PPP2R2B: variants seen among roughly 807,000 people sequenced by gnomAD.
PPP2R2B encodes the protein protein phosphatase 2 regulatory subunit Bbeta.
In PPP2R2B, 5 loss-of-function variants were observed where a neutral mutation model predicts 46.0. The ratio of observed to expected loss-of-function variants is 0.11; its 90% CI spans 0.06 to 0.23. The LOEUF (loss-of-function observed/expected upper bound fraction) is 0.23. PPP2R2B is among the 10% of genes least tolerant of loss of function. PPP2R2B has a pLI of 1.00. For synonymous variants in PPP2R2B, 215 were observed against 206.7 expected (o/e 1.04, Z -0.34); for missense variants, 367 against 575.0 (o/e 0.64, Z 3.70).
intron 3 of PPP2R2B, among the ~76,000 whole-genome samples, chr5:146,699,649 C>G (rs73320028): frequency 2.1e-5 from 3 of 140,818 alleles, no homozygotes; most frequent in Non-Finnish European, 4.5e-5. Flanking sequence ...ATCATCACTG[C>G]GAACTTAATT....
chr5:146,818,635 A>T (rs1359364553), intron 2 of PPP2R2B, among the ~76,000 whole-genome samples: 1 of 152,220 alleles, frequency 6.6e-6, no homozygotes, highest in Non-Finnish European at 1.5e-5. Flanking sequence ...TAATTTTCTC[A>T]GTGACCCATG....
intron 2 of PPP2R2B, among the ~76,000 whole-genome samples, chr5:146,873,191 T>A (rs543859216): frequency 6.6e-6 from 1 of 152,342 alleles, no homozygotes; most frequent in African/African-American, 2.4e-5. Context: ...ACCTTCTCCA[T>A]CTGCACCCAA....
intron 1 of PPP2R2B, among the ~76,000 whole-genome samples, chr5:146,971,769 G>A (rs1259861475): frequency 6.6e-6 from 1 of 152,002 alleles, no homozygotes; most frequent in Non-Finnish European, 1.5e-5. Context: ...TTTTATGTTT[G>A]TGGTACCTAT....
chr5:146,842,057 T>A (rs1264410705), intron 2 of PPP2R2B, among the ~76,000 whole-genome samples: 2 of 152,142 alleles, frequency 1.3e-5, no homozygotes, highest in Admixed American at 6.5e-5. Context: ...CCTAGCCACA[T>A]CACTGTGAAG....
intron 1 of PPP2R2B, among the ~76,000 whole-genome samples, chr5:147,006,694 G>A (rs1754455409): frequency 6.6e-6 from 1 of 152,044 alleles, no homozygotes; most frequent in Non-Finnish European, 1.5e-5. Flanking sequence ...AGACTCTTTG[G>A]CAGCAGTGAT....
At chr5:146,987,119 A>G (rs1343537255) in intron 1 of PPP2R2B, among the ~76,000 whole-genome samples, 4 of 152,054 alleles carry the variant, frequency 2.6e-5, no homozygotes, top group Non-Finnish European at 5.9e-5. Flanking sequence ...AAAATGATTT[A>G]GAAAAGCCCA....
upstream of PPP2R2B, among the ~76,000 whole-genome samples, chr5:146,881,731 GACTA>G (rs1319434579): frequency 6.6e-6 from 1 of 152,072 alleles, no homozygotes; most frequent in Non-Finnish European, 1.5e-5. Flanking sequence ...CTTTTCTATT[GACTA>G]ACTGTCACTT....
At chr5:147,046,269 A>G (rs547288015) in intron 1 of PPP2R2B, among the ~76,000 whole-genome samples, 1 of 152,340 alleles carries the variant, frequency 6.6e-6, no homozygotes, top group East Asian at 1.9e-4. Flanking sequence ...TTTCCCAAAA[A>G]GTGACATTCT....
chr5:146,930,422 T>C (rs1006322628), intron 1 of PPP2R2B, among the ~76,000 whole-genome samples: 1 of 152,156 alleles, frequency 6.6e-6, no homozygotes, highest in Non-Finnish European at 1.5e-5. Flanking sequence ...GGGTCTTTAT[T>C]TGTGGGATGA....
intron 3 of PPP2R2B, among the ~76,000 whole-genome samples, chr5:146,698,517 A>G (rs1019524706): frequency 2.1e-4 from 32 of 151,702 alleles, no homozygotes; most frequent in African/African-American, 7.5e-4. Context: ...CTTTGGAGTG[A>G]GTCATCCCAC....
At chr5:147,026,718 C>G (rs1755544004) in intron 1 of PPP2R2B, among the ~76,000 whole-genome samples, 1 of 151,950 alleles carries the variant, frequency 6.6e-6, no homozygotes, top group African/African-American at 2.4e-5. Flanking sequence ...TATCTTTAGC[C>G]ACCAGGGAAA....
chr5:146,752,300 G>C (rs931703579), intron 2 of PPP2R2B, among the ~76,000 whole-genome samples: 2 of 151,922 alleles, frequency 1.3e-5, no homozygotes, highest in Non-Finnish European at 2.9e-5. Flanking sequence ...CATTTATTGA[G>C]ATGAAAAAAA....
intron 1 of PPP2R2B, among the ~76,000 whole-genome samples, chr5:147,041,701 G>C (rs545703337): frequency 2.2e-4 from 34 of 152,022 alleles, no homozygotes; most frequent in Non-Finnish European, 2.9e-5. Flanking sequence ...AGCTTTAGGG[G>C]GGCTGTAAGT....
At chr5:147,038,460 G>T (rs920787385) in intron 1 of PPP2R2B, among the ~76,000 whole-genome samples, 2 of 152,074 alleles carry the variant, frequency 1.3e-5, no homozygotes, top group Non-Finnish European at 2.9e-5. Flanking sequence ...AAATTACATT[G>T]ATAATTTTTC....
Position 146,828,961 on chromosome 5 carries a change from G to C in PPP2R2B, c.70+49041C>G, listed in dbSNP as rs555462415. Among the ~76,000 whole-genome samples the C allele has an allele frequency of 5.9e-5, 9 of 152,212 alleles. 1 individual carries two copies. Among genetic ancestry groups the C allele is most frequent in the African/African-American group, 2.2e-4 (9 of 41,536 alleles). On this transcript the variant is annotated intron_variant, in intron 2 of 9. Coordinates refer to ENST00000394411, the MANE Select transcript of PPP2R2B (RefSeq NM_181675.4). ...TCAAGGAAAAATAAACTTTGATACAGGACAGCCTTCCGAATCAGGAATATT... is the reference window on the plus strand; with the variant it reads ...TCAAGGAAAAATAAACTTTGATACACGACAGCCTTCCGAATCAGGAATATT...
At chr5:147,017,029 A>G (rs76599395) in intron 1 of PPP2R2B, among the ~76,000 whole-genome samples, 3 of 151,582 alleles carry the variant, frequency 2.0e-5, no homozygotes, top group Non-Finnish European at 2.9e-5. Context: ...AGTTTTGGAT[A>G]GATTGCTCTG....
chr5:147,003,803 G>C (rs1754300601), intron 1 of PPP2R2B, among the ~76,000 whole-genome samples: 1 of 152,104 alleles, frequency 6.6e-6, no homozygotes, highest in African/African-American at 2.4e-5. Context: ...CCATAGCTCA[G>C]GGAAAGGAAG....
intron 2 of PPP2R2B, among the ~76,000 whole-genome samples, chr5:146,841,700 G>A (rs528811192): frequency 8.1e-4 from 123 of 152,176 alleles, no homozygotes; most frequent in Non-Finnish European, 1.4e-3. Flanking sequence ...ACCAAACACC[G>A]CATGTTCTCA....
intron 7 of PPP2R2B, among the ~76,000 whole-genome samples, chr5:146,601,152 G>A (rs1330164032): frequency 6.6e-6 from 1 of 152,160 alleles, no homozygotes; most frequent in African/African-American, 2.4e-5. Flanking sequence ...GTATTCCATT[G>A]TATGAATATA....
Sources: allele counts gnomAD v4.1 joint callset (sites outside exome capture counted in the v4.1 genomes callset), GRCh38; gene constraint gnomAD v4.1.1; transcripts MANE v1.5; gene names NCBI Gene and HGNC (gene_info 2026-07-23, HGNC 2026-07-21).